HS6ST2: variants seen among roughly 807,000 people sequenced by gnomAD.
HS6ST2 encodes heparan sulfate 6-O-sulfotransferase 2, also known as heparan-sulfate 6-O-sulfotransferase 2.
Under a neutral mutation model 33.0 loss-of-function variants are expected in HS6ST2, and 17 were observed. The ratio of observed to expected loss-of-function variants is 0.52; its 90% CI spans 0.35 to 0.77. The LOEUF (loss-of-function observed/expected upper bound fraction) is 0.77, where lower values mean the gene tolerates loss of function less well. Ranked by LOEUF, HS6ST2 falls within the 30% of genes least tolerant of loss-of-function variation. The probability of loss-of-function intolerance (pLI) is 0.01; values close to 1 mark genes in which losing one functional copy is unlikely to be tolerated. For synonymous variants in HS6ST2, 248 were observed against 237.1 expected (o/e 1.05, Z -0.42); for missense variants, 519 against 551.7 (o/e 0.94, Z 0.59).
chrX:132,881,940 T>C (rs1384074753), intron 2 of HS6ST2, among the ~76,000 whole-genome samples: 1 of 111,249 alleles, frequency 9.0e-6, no homozygotes, highest in Admixed American at 9.6e-5. Flanking sequence ...GTTGTAGATG[T>C]GTGGTATTAT....
intron 2 of HS6ST2, among the ~76,000 whole-genome samples, chrX:132,877,574 G>A (rs752478264): frequency 5.8e-4 from 65 of 111,271 alleles, no homozygotes; most frequent in East Asian, 2.0e-3. Flanking sequence ...GTCAGACCCC[G>A]TTTCACACAG....
At chrX:132,818,987 T>C (rs938823847) in intron 2 of HS6ST2, among the ~76,000 whole-genome samples, 2 of 111,895 alleles carry the variant, frequency 1.8e-5, no homozygotes, top group African/African-American at 3.2e-5. Context: ...ATTTAAGATG[T>C]ATTTTCAATG....
intron 2 of HS6ST2, among the ~76,000 whole-genome samples, chrX:132,903,986 C>G (rs1053377201): frequency 8.9e-6 from 1 of 111,755 alleles, no homozygotes; most frequent in Non-Finnish European, 1.9e-5. Context: ...GGCCATGGCC[C>G]AAAGGTAGCC....
At chrX:132,912,109 C>G (rs1395579319) in intron 2 of HS6ST2, among the ~76,000 whole-genome samples, 1 of 112,714 alleles carries the variant, frequency 8.9e-6, no homozygotes, top group Non-Finnish European at 1.9e-5. Flanking sequence ...TGACCCATAT[C>G]TGTATGATCT....
At chrX:132,779,030 C>G (rs1243335099) in intron 2 of HS6ST2, among the ~76,000 whole-genome samples, 4 of 112,140 alleles carry the variant, frequency 3.6e-5, no homozygotes, top group Non-Finnish European at 7.5e-5. Flanking sequence ...AATTAGGCAG[C>G]AACCACCTGC....
At chrX:132,833,292 T>C (rs1211267040) in intron 2 of HS6ST2, among the ~76,000 whole-genome samples, 1 of 111,619 alleles carries the variant, frequency 9.0e-6, no homozygotes, top group African/African-American at 3.3e-5. Flanking sequence ...GATTCATTCA[T>C]TGGAATGTGA....
chrX:132,673,820 C>A (rs759080172), intron 3 of HS6ST2, among the ~76,000 whole-genome samples: 5 of 111,726 alleles, frequency 4.5e-5, no homozygotes, highest in Non-Finnish European at 9.4e-5. Flanking sequence ...GTTTTTCAAT[C>A]GTGGTTGTTT....
At chrX:132,745,907 TCTTA>T (rs1429754462) in intron 2 of HS6ST2, among the ~76,000 whole-genome samples, 1 of 112,209 alleles carries the variant, frequency 8.9e-6, no homozygotes, top group Non-Finnish European at 1.9e-5. Context: ...TCTGTTTTTT[TCTTA>T]CTTAAAATCT....
chrX:132,821,295 T>C (rs1478886490), intron 2 of HS6ST2, among the ~76,000 whole-genome samples: 2 of 104,244 alleles, frequency 1.9e-5, no homozygotes, highest in African/African-American at 3.5e-5. Flanking sequence ...TCACTGCAAG[T>C]TCCACCTCCC....
At chrX:132,703,041 A>G (rs1183662036) in intron 3 of HS6ST2, among the ~76,000 whole-genome samples, 1 of 112,605 alleles carries the variant, frequency 8.9e-6, no homozygotes, top group South Asian at 3.7e-4. Flanking sequence ...AGTGAGAATA[A>G]CAGAATGTCT....
At chrX:132,953,378 C>T (rs1029879065) in intron 2 of HS6ST2, among the ~76,000 whole-genome samples, 6 of 111,584 alleles carry the variant, frequency 5.4e-5, no homozygotes, top group African/African-American at 2.0e-4. Context: ...CTCTCTCTCT[C>T]TCTTTGTCCT....
intron 2 of HS6ST2, among the ~76,000 whole-genome samples, chrX:132,761,083 T>C (rs2064801418): frequency 9.0e-6 from 1 of 111,489 alleles, no homozygotes; most frequent in South Asian, 3.8e-4. Context: ...ATGCAAGGAA[T>C]AAATGGTGGA....
rs553522676 is a variant in HS6ST2, at chrX:132,681,669, G to A, written c.981-12470C>T. 2.2e-4 allele frequency among the ~76,000 whole-genome samples: 25 copies of A among 111,722 alleles called. 1 individual carries two copies. The Admixed American group carries it at 2.4e-3, about 11-fold the overall frequency. On this transcript the variant is annotated intron_variant, in intron 3 of 4. Transcript: ENST00000370833. The stretch of plus-strand genomic sequence containing the variant: ...AAAATTTAAGTCAGCCTTATGCCAC[G>A]ACCCACTTGATGAACACTTCCAAAA...
intron 2 of HS6ST2, among the ~76,000 whole-genome samples, chrX:132,839,078 C>CA (rs10700617): frequency 0.022 from 1,741 of 80,918 alleles, 57 homozygotes; most frequent in African/African-American, 0.066. Flanking sequence ...GAAGATTCCT[C>CA]AAAAAAAAAA....
At chrX:132,845,358 T>C (rs1006783821) in intron 2 of HS6ST2, among the ~76,000 whole-genome samples, 3 of 110,743 alleles carry the variant, frequency 2.7e-5, no homozygotes, top group African/African-American at 9.8e-5. Flanking sequence ...CTTTCTAACA[T>C]CTCTATGTAT....
chrX:132,746,031 T>TAAA (rs1405676233), intron 2 of HS6ST2, among the ~76,000 whole-genome samples: 64 of 111,872 alleles, frequency 5.7e-4, no homozygotes, highest in Admixed American at 5.0e-3. Flanking sequence ...AAAAGAGATG[T>TAAA]TTTGCTCACT....
chrX:132,943,097 G>A (rs950567904), intron 2 of HS6ST2, among the ~76,000 whole-genome samples: 1 of 112,082 alleles, frequency 8.9e-6, no homozygotes, highest in Non-Finnish European at 1.9e-5. Flanking sequence ...GAGCTGCAGA[G>A]TTCACCTTGA....
chrX:132,855,114 T>C (rs763314362), intron 2 of HS6ST2, among the ~76,000 whole-genome samples: 25 of 112,163 alleles, frequency 2.2e-4, no homozygotes, highest in South Asian at 7.5e-4. Flanking sequence ...ATCTTCCCAC[T>C]CAGTGGATTG....
At chrX:132,812,429 TAATAATAATAATAATAA>T (rs1294629570) in intron 2 of HS6ST2, among the ~76,000 whole-genome samples, 137 of 103,295 alleles carry the variant, frequency 1.3e-3, no homozygotes, top group African/African-American at 4.6e-3. Context: ...ATAATAATAA[TAATAATAATAATAATAA>T]AATAATAATA....
Sources: allele counts gnomAD v4.1 joint callset (sites outside exome capture counted in the v4.1 genomes callset), GRCh38; gene constraint gnomAD v4.1.1; transcripts MANE v1.5; gene names NCBI Gene and HGNC (gene_info 2026-07-23, HGNC 2026-07-21).